The following MYO5A variants were observed in gnomAD, a reference collection of about 807,000 sequenced individuals.
MYO5A encodes the protein myosin VA.
In MYO5A, 98 loss-of-function variants were observed where a neutral mutation model predicts 249.7. The ratio of observed to expected loss-of-function variants is 0.39; its 90% confidence interval spans 0.33 to 0.46. MYO5A has a LOEUF of 0.46. Among genes scored for constraint, MYO5A ranks in the 20% least tolerant of loss-of-function variants. The probability of loss-of-function intolerance (pLI) is 0.98; values close to 1 mark genes in which losing one functional copy is unlikely to be tolerated. For missense variants in MYO5A, 1,696 were observed against 2,308.8 expected, an observed-to-expected ratio of 0.73 and a Z score of 5.44; for synonymous variants, 778 against 810.6, an observed-to-expected ratio of 0.96 and a Z score of 0.68.
chr15:52,340,892 G>A (rs2039350147), intron 31 of MYO5A, among the ~76,000 whole-genome samples: 1 of 150,306 alleles, frequency 6.7e-6, no homozygotes, highest in Admixed American at 6.6e-5. Flanking sequence ...AGGTTGCAGT[G>A]AGCTGAGATT....
At chr15:52,392,473 G>A (rs1485114337) in intron 11 of MYO5A, among the ~76,000 whole-genome samples, 1 of 152,214 alleles carries the variant, frequency 6.6e-6, no homozygotes, top group East Asian at 1.9e-4. Flanking sequence ...AATCATGCTG[G>A]GCAATGCTTT....
chr15:52,336,530 C>A lies in MYO5A; in HGVS notation c.4341G>T (p.Gln1447His). The change falls in exon 34 of 42, where the codon CAG becomes CAT. Residue 1447 changes from glutamine to histidine, a missense_variant. Around this residue, in one of 5 missense-constraint regions of MYO5A, gnomAD observed 625 missense variants for 908.1 expected, o/e 0.69. Coordinates refer to ENST00000399233, the MANE Select transcript of MYO5A (RefSeq NM_001382347.1). ...MIDLMEQLEK[Q>H]DKTVRKLKKQ... The stretch of plus-strand genomic sequence containing the variant: ...TTTTCAGTTTACGGACCGTCTTATC[C>A]TGTTTTTCAAGTTGTTCCATCAAAT... 1 of 1,607,278 alleles carries A rather than the reference C, an allele frequency of 6.2e-7. No homozygotes were observed. Among genetic ancestry groups the A allele is most frequent in the Non-Finnish European group, 8.5e-7 (1 of 1,175,934 alleles).
intron 9 of MYO5A, among the ~76,000 whole-genome samples, chr15:52,399,118 T>C (rs1028560929): frequency 4.6e-5 from 7 of 152,226 alleles, no homozygotes; most frequent in African/African-American, 1.4e-4. Context: ...TTGGTTTAAA[T>C]TCTCCACAGC....
chr15:52,387,795 C>T (rs1567077550), intron 14 of MYO5A, 34 bp downstream of exon 14: 2 of 1,425,674 alleles, frequency 1.4e-6, no homozygotes, highest in Middle Eastern at 1.8e-4. Context: ...GCTTTGCATA[C>T]ATCCTGGATT....
At chr15:52,470,405 A>G (rs141992264) in intron 1 of MYO5A, among the ~76,000 whole-genome samples, 27 of 152,274 alleles carry the variant, frequency 1.8e-4, no homozygotes, top group African/African-American at 6.3e-4. Flanking sequence ...TAAAACCAGC[A>G]CGTTGGGAGG....
At chr15:52,361,561 G>C (rs1325163823) in intron 24 of MYO5A, among the ~76,000 whole-genome samples, 1 of 152,124 alleles carries the variant, frequency 6.6e-6, no homozygotes, top group Non-Finnish European at 1.5e-5. Flanking sequence ...CCACTAGCTG[G>C]TATTTTCATC....
At chr15:52,387,604 C>T (rs1357039116) in intron 14 of MYO5A, 1 of 496,238 alleles carries the variant, frequency 2.0e-6, no homozygotes, top group Non-Finnish European at 3.6e-6. Flanking sequence ...CTCTGTGTCT[C>T]AGGTGCCTCA....
chr15:52,401,805 C>T (rs2042769969), intron 9 of MYO5A, among the ~76,000 whole-genome samples: 1 of 152,164 alleles, frequency 6.6e-6, no homozygotes, highest in African/African-American at 2.4e-5. Context: ...GACATTATTA[C>T]TCTATCCTTC....
At chr15:52,366,892 T>C (rs1224246890) in intron 23 of MYO5A, 139 bp downstream of exon 23, 1 of 769,968 alleles carries the variant, frequency 1.3e-6, no homozygotes, top group African/African-American at 1.7e-5. Context: ...CTTGGAACTT[T>C]ATAAATTTGC....
Position 52,374,769 on chromosome 15 carries a change from T to G in MYO5A, c.2577+535A>C, listed in dbSNP as rs184279615. On this transcript the variant is annotated intron_variant, in intron 20 of 41. Coordinates refer to ENST00000399233, the MANE Select transcript of MYO5A (RefSeq NM_001382347.1). The stretch of plus-strand genomic sequence containing the variant: ...CTGCTGACAACTTGATTTTGTCCCA[T>G]TGATAATGATTTTGGACTTCTGGTC... 2.4e-3 allele frequency among the ~76,000 whole-genome samples: 363 copies of G among 152,356 alleles called. 1 individual carries two copies. The highest frequency in any genetic ancestry group is 7.0e-3 in the South Asian group (34 of 4,832).
intron 21 of MYO5A, 102 bp from the exon 22 acceptor site, chr15:52,370,519 T>C (rs2041048602): frequency 7.8e-7 from 1 of 1,279,918 alleles, no homozygotes; most frequent in Middle Eastern, 2.6e-4. Flanking sequence ...TATATCATCA[T>C]AACATTGATA....
At position 52,407,405 on chromosome 15, in the gene MYO5A, A is replaced by T; in HGVS notation, c.839-6T>A. On this transcript the variant is annotated splice_polypyrimidine_tract_variant and splice_region_variant and intron_variant, in intron 7 of 41. Transcript: ENST00000399233. ...ATTAAAGTTATCTGCATTTCCTGTA[A>T]TGAAGAAAAATAAAAATTTTCTGGT... 6.2e-7 allele frequency: 1 copy of T among 1,607,254 alleles called. No individual in the cohort carries two copies. Among genetic ancestry groups the T allele is most frequent in the Non-Finnish European group, 8.5e-7 (1 of 1,173,910 alleles).
chr15:52,408,650 T>C (rs1200526411), intron 6 of MYO5A, among the ~76,000 whole-genome samples: 2 of 152,208 alleles, frequency 1.3e-5, no homozygotes, highest in African/African-American at 2.4e-5. Context: ...AACTGTTTTA[T>C]AAAATAGAAA....
Position 52,353,901 on chromosome 15 carries a change from C to T in MYO5A, c.3537G>A (p.Lys1179=). The T allele has an allele frequency of 6.2e-7, 1 of 1,614,174 alleles. No individual in the cohort carries two copies. Among genetic ancestry groups the T allele is most frequent in the Non-Finnish European group, 8.5e-7 (1 of 1,180,036 alleles). Residue 1179 remains lysine, a synonymous_variant, in exon 26 of 42, where the codon AAG becomes AAA. Transcript: ENST00000399233. ...KQVMQDELDR[K]EEQVLRSKAK... is the part of the protein sequence containing the mutation. ...CCTTGCTGCGGAGCACCTGCTCCTC[C>T]TTGCGGTCCAGCTCATCCTGCATCA...
rs147903235 is a variant in MYO5A at position 52,428,307 on chromosome 15, A to G, written c.310+91T>C. The G allele has an allele frequency of 1.0e-3, 1,367 of 1,365,098 alleles. 11 individuals carry two copies. In the African/African-American group the frequency reaches 0.017, roughly 17 times the overall value. The allele number at this position is 1,365,098 out of a possible 1,614,324, so 84.6% of individuals were successfully genotyped here. A position where few individuals can be genotyped will look rare whatever the true frequency, so the allele number is the denominator to read the frequency against. On this transcript the variant is annotated intron_variant, in intron 3 of 41. Coordinates refer to ENST00000399233, the MANE Select transcript of MYO5A (RefSeq NM_001382347.1). ...TTTGTCTCTTAGAGAAAATCCAACC[A>G]CAGCCTGCTTTCCCCATGTACAATA...
chr15:52,316,973 G>C, intron 40 of MYO5A, 75 bp downstream of exon 40: 1 of 1,450,270 alleles, frequency 6.9e-7, no homozygotes, highest in Non-Finnish European at 9.7e-7. Flanking sequence ...GCAATAAGTA[G>C]AGGACTTCTT....
chr15:52,431,246 A>AAAAAAAAAAAAAAG (rs57077086), intron 2 of MYO5A, among the ~76,000 whole-genome samples: 1 of 144,538 alleles, frequency 6.9e-6, no homozygotes. Context: ...AAAAAAAAAA[A>AAAAAAAAAAAAAAG]GTCTAGTGCA....
chr15:52,397,686 T>G lies in MYO5A; in HGVS notation c.1054-220A>C, dbSNP rs55975425. ...CTCTTCTGGGGCTCACTTCAAAAAT[T>G]CCCTCTTCCTTTGACTCTTCATAGT... On this transcript the variant is annotated intron_variant, in intron 9 of 41. Coordinates refer to ENST00000399233, the MANE Select transcript of MYO5A (RefSeq NM_001382347.1). Among the ~76,000 whole-genome samples, 394 of 152,284 alleles carry G rather than the reference T, an allele frequency of 2.6e-3. 2 individuals are homozygous for G. Among genetic ancestry groups the G allele is most frequent in the Non-Finnish European group, 4.1e-3 (282 of 68,026 alleles).
At chr15:52,514,394 G>A (rs1019982925) in intron 1 of MYO5A, among the ~76,000 whole-genome samples, 1 of 152,212 alleles carries the variant, frequency 6.6e-6, no homozygotes, top group Non-Finnish European at 1.5e-5. Context: ...ATGCAGTGCA[G>A]TAAAGGGTTA....
Sources: allele counts gnomAD v4.1 joint callset (sites outside exome capture counted in the v4.1 genomes callset), GRCh38; gene constraint gnomAD v4.1.1; regional missense constraint gnomAD v4.1.1; transcripts MANE v1.5; gene names NCBI Gene and HGNC (gene_info 2026-07-23, HGNC 2026-07-21).